NCOR1: variants seen among roughly 807,000 people sequenced by gnomAD.
NCOR1 encodes the protein protein phosphatase 1, regulatory subunit 109.
A neutral mutation model predicts 288.1 loss-of-function variants in NCOR1; 63 were observed. The observed-to-expected ratio is 0.22, with a 90% CI of 0.18 to 0.27. NCOR1 has a LOEUF of 0.27. NCOR1 is among the 10% of genes least tolerant of loss of function. The probability of loss-of-function intolerance (pLI) is 1.00; values close to 1 mark genes in which losing one functional copy is unlikely to be tolerated. For synonymous variants in NCOR1, 1,007 were observed against 1,065.9 expected (o/e 0.94, Z 1.08); for missense variants, 2,397 against 3,019.2 (o/e 0.79, Z 4.83).
intron 1 of NCOR1, among the ~76,000 whole-genome samples, chr17:16,207,498 T>C (rs1257298848): frequency 1.3e-5 from 2 of 152,048 alleles, no homozygotes; most frequent in Non-Finnish European, 2.9e-5. Context: ...TCCCAGCACT[T>C]TGGGAGGCCG....
At chr17:16,167,943 C>T (rs78860537) in intron 4 of NCOR1, among the ~76,000 whole-genome samples, 9 of 147,496 alleles carry the variant, frequency 6.1e-5, no homozygotes, top group East Asian at 2.0e-4. Context: ...AAAAGGCAAA[C>T]GATTAAATAG....
intron 45 of NCOR1, among the ~76,000 whole-genome samples, chr17:16,033,775 G>A (rs1445258358): frequency 6.6e-6 from 1 of 152,126 alleles, no homozygotes; most frequent in Non-Finnish European, 1.5e-5. Flanking sequence ...ATCAGTTTGT[G>A]TAAATGTAGT....
chr17:16,089,179 C>A (rs1201414157), intron 22 of NCOR1, among the ~76,000 whole-genome samples: 1 of 148,906 alleles, frequency 6.7e-6, no homozygotes, highest in Non-Finnish European at 1.5e-5. Context: ...CAGCTATCTA[C>A]ATCACCATGT....
chr17:16,122,035 A>T (rs1359673325), intron 15 of NCOR1, among the ~76,000 whole-genome samples: 2 of 152,208 alleles, frequency 1.3e-5, no homozygotes, highest in African/African-American at 4.8e-5. Context: ...CAGTGCCTGG[A>T]ACACAGTCAG....
At chr17:16,149,053 A>T (rs563057536) in intron 9 of NCOR1, among the ~76,000 whole-genome samples, 1 of 152,070 alleles carries the variant, frequency 6.6e-6, no homozygotes, top group East Asian at 1.9e-4. Context: ...AAAAAGCTGA[A>T]CCCTAGCTGA....
In NCOR1 at chr17:16,121,284, A is replaced by C; in HGVS notation, c.1635-15T>G. On this transcript the variant is annotated splice_polypyrimidine_tract_variant and intron_variant, in intron 15 of 45. Transcript: ENST00000268712. ...TGGTATTTTCTCTGGACACAAAAGC[A>C]AATGAAAACTTGTGTGATTCCAAAG... 1.2e-6 allele frequency: 2 copies of C among 1,605,600 alleles called. No homozygotes were observed. Among genetic ancestry groups the C allele is most frequent in the Admixed American group, 1.7e-5 (1 of 59,360 alleles).
At chr17:16,084,950 T>C (rs1296734343) in intron 23 of NCOR1, among the ~76,000 whole-genome samples, 3 of 152,180 alleles carry the variant, frequency 2.0e-5, no homozygotes, top group Non-Finnish European at 4.4e-5. Context: ...AGTGTGTATA[T>C]ATATTTAGAC....
intron 3 of NCOR1, among the ~76,000 whole-genome samples, chr17:16,175,239 G>A (rs1441797087): frequency 2.0e-5 from 3 of 151,970 alleles, no homozygotes; most frequent in South Asian, 2.1e-4. Context: ...GTGGTGGTGC[G>A]CGCATGTAGT....
chr17:16,207,023 C>T (rs551318001), intron 1 of NCOR1, among the ~76,000 whole-genome samples: 2 of 152,068 alleles, frequency 1.3e-5, no homozygotes, highest in South Asian at 4.2e-4. Flanking sequence ...CTTCTTCCTC[C>T]CCCCCAACAG....
chr17:16,093,998 C>A (rs905897707), intron 21 of NCOR1, among the ~76,000 whole-genome samples: 1 of 152,112 alleles, frequency 6.6e-6, no homozygotes, highest in East Asian at 1.9e-4. Context: ...ACCTCAAACT[C>A]TCGAGCTCAA....
At chr17:16,161,260 C>A (rs1344087716) in intron 5 of NCOR1, among the ~76,000 whole-genome samples, 1 of 151,050 alleles carries the variant, frequency 6.6e-6, no homozygotes, top group Non-Finnish European at 1.5e-5. Flanking sequence ...CACACACACA[C>A]ACACACACAC....
At chr17:16,204,248 T>TA (rs930618316) in intron 1 of NCOR1, among the ~76,000 whole-genome samples, 2 of 152,208 alleles carry the variant, frequency 1.3e-5, no homozygotes, top group Non-Finnish European at 2.9e-5. Context: ...GATTATTCAC[T>TA]AAATGGTGCT....
At chr17:16,157,115 C>A (rs1463566919) in intron 6 of NCOR1, among the ~76,000 whole-genome samples, 2 of 152,022 alleles carry the variant, frequency 1.3e-5, no homozygotes, top group Admixed American at 1.3e-4. Context: ...TGCAGCTATG[C>A]AGAGGACTTT....
chr17:16,038,285 G>A (rs2056837126), intron 44 of NCOR1, among the ~76,000 whole-genome samples: 1 of 152,088 alleles, frequency 6.6e-6, no homozygotes, highest in Admixed American at 6.5e-5. Context: ...TTGTGTGCTT[G>A]TTTTTAACAG....
intron 11 of NCOR1, among the ~76,000 whole-genome samples, chr17:16,141,789 T>C (rs906083583): frequency 2.6e-5 from 4 of 152,178 alleles, no homozygotes; most frequent in African/African-American, 9.7e-5. Flanking sequence ...TATAAATATT[T>C]GTTGAAAGAA....
intron 22 of NCOR1, among the ~76,000 whole-genome samples, chr17:16,089,027 A>G (rs1158465270): frequency 6.6e-6 from 1 of 152,032 alleles, no homozygotes; most frequent in Non-Finnish European, 1.5e-5. Context: ...ATAATTTAAT[A>G]TGATAATGTA....
chr17:16,142,414 T>A (rs1054901821), intron 11 of NCOR1, among the ~76,000 whole-genome samples: 2 of 152,054 alleles, frequency 1.3e-5, no homozygotes, highest in Non-Finnish European at 2.9e-5. Flanking sequence ...AACAAGACTC[T>A]CAGAATTTTG....
intron 18 of NCOR1, among the ~76,000 whole-genome samples, chr17:16,110,216 T>A (rs914612400): frequency 1.3e-5 from 2 of 152,062 alleles, no homozygotes; most frequent in Admixed American, 1.3e-4. Flanking sequence ...ATTAGCTCTG[T>A]GTGCTGGTGC....
chr17:16,138,085 G>C, intron 13 of NCOR1, 73 bp downstream of exon 13: 1 of 1,265,978 alleles, frequency 7.9e-7, no homozygotes. Flanking sequence ...ACTTATATGT[G>C]TCAGAGCACA....
Sources: gnomAD v4.1 joint callset for allele counts (sites outside exome capture counted in the v4.1 genomes callset) on GRCh38, gnomAD v4.1.1 for gene constraint, MANE v1.5 for transcripts, NCBI Gene and HGNC (gene_info 2026-07-23, HGNC 2026-07-21) for gene names.